Variants in DCAF6 observed in about 807,000 individuals in gnomAD.
The protein encoded by DCAF6 is DDB1 and CUL4 associated factor 6.
In DCAF6, 54 loss-of-function variants were observed where a neutral mutation model predicts 125.1. The ratio of observed to expected loss-of-function variants is 0.43; its 90% CI spans 0.35 to 0.54. The LOEUF is 0.54. DCAF6 is among the 20% of genes least tolerant of loss of function. The pLI, the probability that DCAF6 is intolerant of heterozygous loss-of-function variation, is 0.01. For missense variants in DCAF6, 934 were observed against 1,161.7 expected, an observed-to-expected ratio of 0.80 and a Z score of 2.85; for synonymous variants, 371 against 390.4, an observed-to-expected ratio of 0.95 and a Z score of 0.58.
chr1:168,026,289 A>G (rs1275145395), intron 12 of DCAF6, among the ~76,000 whole-genome samples: 1 of 152,178 alleles, frequency 6.6e-6, no homozygotes, highest in African/African-American at 2.4e-5. Flanking sequence ...CATGTGGTAA[A>G]TAATATTCGT....
intron 4 of DCAF6, among the ~76,000 whole-genome samples, chr1:167,978,822 A>AT (rs1025665618): frequency 2.6e-5 from 4 of 151,838 alleles, no homozygotes; most frequent in African/African-American, 9.7e-5. Context: ...CACCTGGGTA[A>AT]TTTTTTTTAT....
chr1:168,065,440 G>T (rs79571613), intron 18 of DCAF6, 150 bp from the exon 19 acceptor site: 2 of 673,526 alleles, frequency 3.0e-6, no homozygotes, highest in Non-Finnish European at 2.4e-6. Flanking sequence ...GAGCCACTGC[G>T]CCCAGCATCA....
chr1:167,948,861 A>G (rs963100605), intron 1 of DCAF6, among the ~76,000 whole-genome samples: 2 of 152,170 alleles, frequency 1.3e-5, no homozygotes, highest in African/African-American at 4.8e-5. Context: ...CATGTTGATC[A>G]GGCTGGTCCT....
intron 12 of DCAF6, among the ~76,000 whole-genome samples, chr1:168,032,623 A>C (rs534355217): frequency 6.6e-6 from 1 of 152,236 alleles, no homozygotes; most frequent in East Asian, 1.9e-4. Context: ...TTTTTAAAAA[A>C]TATTTGGTAT....
At chr1:168,008,890 C>T (rs1683760534) in intron 10 of DCAF6, among the ~76,000 whole-genome samples, 1 of 132,286 alleles carries the variant, frequency 7.6e-6, no homozygotes, top group Non-Finnish European at 1.6e-5. Context: ...ACCCCCTCCC[C>T]TCCCCCCTCC....
chr1:167,929,347 G>A, the DCAF6 span, among the ~76,000 whole-genome samples: 3 of 151,206 alleles, frequency 2.0e-5, no homozygotes, highest in East Asian at 1.9e-4. Flanking sequence ...CAATAAGAGC[G>A]AAACTCCGTC....
rs574864106 is a variant in DCAF6 at position 167,977,899 on chromosome 1, C to T, written c.438+2884C>T. On this transcript the variant is annotated intron_variant, in intron 4 of 21. Coordinates refer to ENST00000367840, the MANE Select transcript of DCAF6 (RefSeq NM_001198956.2). The stretch of plus-strand genomic sequence containing the variant: ...CCTAGCACATTAAGTATCCCAAAAG[C>T]TCCCTTTATTCTGAATTCTAACACT... 3.9e-5 allele frequency among the ~76,000 whole-genome samples: 6 copies of T among 152,270 alleles called. No homozygotes were observed. The South Asian group carries it at 8.3e-4, about 21-fold the overall frequency.
At chr1:168,041,894 GCACACACA>G (rs869267755) in intron 13 of DCAF6, among the ~76,000 whole-genome samples, 1 of 54,442 alleles carries the variant, frequency 1.8e-5, no homozygotes, top group African/African-American at 8.6e-5. Context: ...TGTTTGTCGC[GCACACACA>G]CACACACACA....
the DCAF6 span, among the ~76,000 whole-genome samples, chr1:167,873,474 A>G: frequency 6.6e-6 from 1 of 152,178 alleles, no homozygotes; most frequent in Non-Finnish European, 1.5e-5. Flanking sequence ...AGTTAGGACC[A>G]AGATTTAACT....
the DCAF6 span, among the ~76,000 whole-genome samples, chr1:167,891,493 A>G: frequency 5.9e-5 from 9 of 151,642 alleles, no homozygotes; most frequent in South Asian, 2.1e-4. Flanking sequence ...TGTCTCTACT[A>G]AAAATACAAA....
chr1:168,023,157 T>TATA, intron 12 of DCAF6, 110 bp downstream of exon 12: 1 of 1,156,752 alleles, frequency 8.6e-7, no homozygotes, highest in Non-Finnish European at 1.3e-6. Context: ...TATGGTCTTA[T>TATA]AGTCAGTATT....
intron 2 of DCAF6, among the ~76,000 whole-genome samples, chr1:167,959,193 A>G (rs557717074): frequency 2.6e-5 from 4 of 152,346 alleles, no homozygotes; most frequent in East Asian, 3.9e-4. Context: ...GGTTTCCTCT[A>G]TCTTTTCATA....
intron 1 of DCAF6, among the ~76,000 whole-genome samples, chr1:167,941,909 T>C (rs1259046254): frequency 6.6e-6 from 1 of 152,236 alleles, no homozygotes; most frequent in African/African-American, 2.4e-5. Flanking sequence ...ACTTCCAGAC[T>C]GTCTTCCAAA....
intron 6 of DCAF6, 26 bp downstream of exon 6, chr1:167,991,365 A>G (rs536135552): frequency 2.5e-6 from 4 of 1,587,546 alleles, no homozygotes; most frequent in South Asian, 1.2e-5. Context: ...TAGAGAAAAT[A>G]TAGGACTGTC....
the DCAF6 span, chr1:167,920,673 T>C: frequency 6.3e-7 from 1 of 1,577,198 alleles, no homozygotes; most frequent in Non-Finnish European, 8.6e-7. Flanking sequence ...ATCACAAATG[T>C]GGAGTAATAG....
At chr1:168,041,894 G>GCACACACACACACA (rs869267755) in intron 13 of DCAF6, among the ~76,000 whole-genome samples, 3 of 54,442 alleles carry the variant, frequency 5.5e-5, no homozygotes, top group African/African-American at 2.6e-4. Flanking sequence ...TGTTTGTCGC[G>GCACACACACACACA]CACACACACA....
chr1:168,028,940 G>A (rs1686696200), intron 12 of DCAF6, among the ~76,000 whole-genome samples: 1 of 152,044 alleles, frequency 6.6e-6, no homozygotes, highest in Admixed American at 6.5e-5. Flanking sequence ...AAATTCTAGT[G>A]AAATAATAAG....
At chr1:167,910,061 G>A in the DCAF6 span, among the ~76,000 whole-genome samples, 2 of 152,146 alleles carry the variant, frequency 1.3e-5, no homozygotes, top group East Asian at 3.9e-4. Flanking sequence ...AAAGGGCCAG[G>A]AACTGTTTCT....
intron 2 of DCAF6, among the ~76,000 whole-genome samples, chr1:167,958,376 C>T (rs1675090599): frequency 6.7e-6 from 1 of 148,686 alleles, no homozygotes; most frequent in Non-Finnish European, 1.5e-5. Context: ...ATCTAGTTGT[C>T]TCAGCACCAT....
Sources: allele counts gnomAD v4.1 joint callset (sites outside exome capture counted in the v4.1 genomes callset), GRCh38; gene constraint gnomAD v4.1.1; transcripts MANE v1.5; gene names NCBI Gene and HGNC (gene_info 2026-07-23, HGNC 2026-07-21).